The following PAK5 variants were observed in gnomAD, a reference collection of about 807,000 sequenced individuals.
PAK5 encodes the protein serine/threonine-protein kinase PAK 5.
In PAK5, 16 loss-of-function variants were observed where a neutral mutation model predicts 65.9. The ratio of observed to expected loss-of-function variants is 0.24; its 90% confidence interval spans 0.16 to 0.37. The LOEUF (loss-of-function observed/expected upper bound fraction) is 0.37. Among genes scored for constraint, PAK5 ranks in the 10% least tolerant of loss-of-function variants. The probability of loss-of-function intolerance (pLI) is 1.00; values close to 1 mark genes in which losing one functional copy is unlikely to be tolerated. For missense variants in PAK5, 785 were observed against 903.9 expected (o/e 0.87, Z 1.69); for synonymous variants, 371 against 354.9 (o/e 1.05, Z -0.51).
chr20:9,701,412 G>T (rs2047938047), intron 2 of PAK5, among the ~76,000 whole-genome samples: 3 of 152,070 alleles, frequency 2.0e-5, no homozygotes, highest in Admixed American at 1.3e-4. Context: ...CTAGAGAAAC[G>T]TCACTCAGGA....
chr20:9,583,883 C>A (rs1268402929), intron 3 of PAK5, among the ~76,000 whole-genome samples: 2 of 152,206 alleles, frequency 1.3e-5, no homozygotes, highest in Non-Finnish European at 2.9e-5. Flanking sequence ...CAGTCTGGAG[C>A]CTTTCAGCTT....
At position 9,577,535 on chromosome 20, in the gene PAK5, G is replaced by T. The variant is rs539138847; in HGVS notation, c.990+2610C>A. ...TCCTTTAGGAGTCTCTGCAAGCAAGGCCGACTCATCTGAGTCGTGACCGCT... is the reference window on the plus strand; with the variant it reads ...TCCTTTAGGAGTCTCTGCAAGCAAGTCCGACTCATCTGAGTCGTGACCGCT... On this transcript the variant is annotated intron_variant, in intron 4 of 9. Coordinates refer to ENST00000353224, the MANE Select transcript of PAK5 (RefSeq NM_177990.4). The T allele has an allele frequency of 2.0e-5, 3 of 152,274 alleles. No homozygotes were observed. The East Asian group carries it at 5.8e-4, about 29-fold the overall frequency. The allele number at this position is 152,274 out of a possible 1,614,324, so 9.4% of individuals were successfully genotyped here. A position where few individuals can be genotyped will look rare whatever the true frequency, so the allele number is the denominator to read the frequency against.
chr20:9,665,064 C>A (rs959340351), intron 2 of PAK5, among the ~76,000 whole-genome samples: 4 of 130,862 alleles, frequency 3.1e-5, no homozygotes, highest in Non-Finnish European at 6.3e-5. Context: ...TGCACACCAC[C>A]ATGCCCAGCT....
intron 2 of PAK5, among the ~76,000 whole-genome samples, chr20:9,693,243 G>A (rs559554705): frequency 1.7e-4 from 26 of 152,060 alleles, no homozygotes; most frequent in Non-Finnish European, 3.2e-4. Context: ...TTGTAAATCT[G>A]ACATTTTTCT....
In PAK5 at chr20:9,641,721, C is replaced by T. The variant is rs898418075; in HGVS notation, c.204+2404G>A. The stretch of plus-strand genomic sequence containing the variant: ...CTCAGGCATGGCGGGCTGCAGGTCC[C>T]AAGCCCTGCCCCGTGGGAAGGCAGC... On this transcript the variant is annotated intron_variant, in intron 3 of 9. Transcript: ENST00000353224. Among the ~76,000 whole-genome samples, 12 of 152,118 alleles carry T rather than the reference C, an allele frequency of 7.9e-5. No homozygotes were observed. The South Asian group carries it at 1.4e-3, about 18-fold the overall frequency.
intron 1 of PAK5, among the ~76,000 whole-genome samples, chr20:9,733,019 C>T (rs2048350497): frequency 6.6e-6 from 1 of 152,158 alleles, no homozygotes; most frequent in Non-Finnish European, 1.5e-5. Context: ...TTTTACTGGA[C>T]ACTAATTTGT....
chr20:9,719,891 A>C (rs1002483917), intron 1 of PAK5, among the ~76,000 whole-genome samples: 2 of 152,340 alleles, frequency 1.3e-5, no homozygotes, highest in Non-Finnish European at 2.9e-5. Context: ...TTAGGTTTAG[A>C]AAAGCTATTT....
At chr20:9,674,088 T>C (rs2047535904) in intron 2 of PAK5, among the ~76,000 whole-genome samples, 1 of 152,138 alleles carries the variant, frequency 6.6e-6, no homozygotes, top group African/African-American at 2.4e-5. Context: ...CCCATGTAAA[T>C]GGGAATTATG....
intron 2 of PAK5, among the ~76,000 whole-genome samples, chr20:9,662,738 T>C (rs934642878): frequency 6.6e-6 from 1 of 152,172 alleles, no homozygotes; most frequent in African/African-American, 2.4e-5. Context: ...TGGGGTCTAG[T>C]TGTTATAACA....
At chr20:9,610,255 C>T (rs749285022) in intron 3 of PAK5, among the ~76,000 whole-genome samples, 8 of 152,160 alleles carry the variant, frequency 5.3e-5, no homozygotes, top group Non-Finnish European at 1.0e-4. Context: ...CTATGGAAGG[C>T]ATCAAAGAAA....
intron 1 of PAK5, among the ~76,000 whole-genome samples, chr20:9,748,489 G>C (rs2048535034): frequency 6.6e-6 from 1 of 152,070 alleles, no homozygotes; most frequent in Non-Finnish European, 1.5e-5. Flanking sequence ...CCAAAACAGA[G>C]ATATAGATCA....
intron 2 of PAK5, among the ~76,000 whole-genome samples, chr20:9,688,020 C>T (rs1451086810): frequency 1.3e-5 from 2 of 151,412 alleles, no homozygotes; most frequent in East Asian, 1.9e-4. Context: ...GATGGATTGG[C>T]GATGGTGGGG....
intron 1 of PAK5, among the ~76,000 whole-genome samples, chr20:9,722,537 G>A (rs1248413303): frequency 1.3e-5 from 2 of 151,834 alleles, no homozygotes; most frequent in Non-Finnish European, 2.9e-5. Context: ...GCATGAACCC[G>A]GGAGGCGGAG....
intron 3 of PAK5, among the ~76,000 whole-genome samples, chr20:9,616,537 G>A (rs960929743): frequency 1.3e-5 from 2 of 152,168 alleles, no homozygotes; most frequent in Admixed American, 6.5e-5. Context: ...TACATCCCCC[G>A]GGCATCTTGC....
intron 3 of PAK5, among the ~76,000 whole-genome samples, chr20:9,607,719 C>T (rs1039535493): frequency 3.3e-5 from 5 of 151,726 alleles, no homozygotes; most frequent in African/African-American, 9.7e-5. Context: ...CCAGCTACTC[C>T]GGAGGCTAAG....
chr20:9,599,841 G>A (rs765289926), intron 3 of PAK5, among the ~76,000 whole-genome samples: 6 of 152,074 alleles, frequency 3.9e-5, no homozygotes, highest in Non-Finnish European at 8.8e-5. Flanking sequence ...AGTGCAAAAA[G>A]TTTTGCATTT....
chr20:9,699,065 A>C (rs1036424023), intron 2 of PAK5, among the ~76,000 whole-genome samples: 6 of 152,168 alleles, frequency 3.9e-5, no homozygotes, highest in Non-Finnish European at 8.8e-5. Context: ...ATTAGGAACA[A>C]ATCCTTAAAG....
intron 1 of PAK5, among the ~76,000 whole-genome samples, chr20:9,782,086 G>A (rs2048946512): frequency 6.6e-6 from 1 of 152,002 alleles, no homozygotes; most frequent in South Asian, 2.1e-4. Context: ...CTCTGACATT[G>A]TCTCTATTAC....
chr20:9,575,310 C>T (rs1201757442), intron 4 of PAK5, among the ~76,000 whole-genome samples: 4 of 152,102 alleles, frequency 2.6e-5, no homozygotes, highest in African/African-American at 9.7e-5. Flanking sequence ...TTGTCTTGGC[C>T]TCCCCAGTAG....
Sources: gnomAD v4.1 joint callset for allele counts (sites outside exome capture counted in the v4.1 genomes callset) on GRCh38, gnomAD v4.1.1 for gene constraint, MANE v1.5 for transcripts, NCBI Gene and HGNC (gene_info 2026-07-23, HGNC 2026-07-21) for gene names.